Variants in GNG2 observed in about 807,000 individuals in gnomAD.
The protein encoded by GNG2 is guanine nucleotide-binding protein G(I)/G(S)/G(O) subunit gamma-2.
In GNG2, 5 loss-of-function variants were observed where a neutral mutation model predicts 5.5. The observed-to-expected ratio is 0.91, with a 90% CI of 0.48 to 1.92. The LOEUF (loss-of-function observed/expected upper bound fraction) is 1.92. GNG2 is among the 30% of genes most tolerant of loss of function. The probability of loss-of-function intolerance (pLI) is 0.01; values close to 1 mark genes in which losing one functional copy is unlikely to be tolerated. For missense variants in GNG2, 55 were observed against 88.4 expected (o/e 0.62, Z 1.52); for synonymous variants, 28 against 32.0 (o/e 0.88, Z 0.42).
rs544049334 is a variant in GNG2, at chr14:51,832,010, C to T, written c.64+4203C>T. 1.4e-4 allele frequency among the ~76,000 whole-genome samples: 21 copies of T among 152,198 alleles called. No individual in the cohort carries two copies. In the East Asian group the frequency reaches 4.1e-3, roughly 29 times the overall value. On this transcript the variant is annotated intron_variant, in intron 2 of 3. Transcript: ENST00000553432. ...TAAAATGATGGGGAGGCTGGGCTGG[C>T]AGCTTATACCTGTAATCCAAGCACT... is the stretch of plus-strand genomic sequence containing the variant.
intron 2 of GNG2, among the ~76,000 whole-genome samples, chr14:51,854,752 A>C (rs1205274557): frequency 6.6e-6 from 1 of 152,018 alleles, no homozygotes; most frequent in Non-Finnish European, 1.5e-5. Context: ...ACCTCAAGTG[A>C]TCCTCCTACC....
At chr14:51,961,402 G>T (rs1191269749) in intron 3 of GNG2, among the ~76,000 whole-genome samples, 1 of 152,164 alleles carries the variant, frequency 6.6e-6, no homozygotes, top group Non-Finnish European at 1.5e-5. Context: ...TTATGTTTGA[G>T]AACTCCTTCA....
chr14:51,921,744 G>A (rs1166610798), intron 2 of GNG2, among the ~76,000 whole-genome samples: 1 of 152,178 alleles, frequency 6.6e-6, no homozygotes, highest in Non-Finnish European at 1.5e-5. Context: ...ATGCTCTTAT[G>A]CCAATGGGTT....
At chr14:51,828,299 G>A (rs1158298223) in intron 2 of GNG2, among the ~76,000 whole-genome samples, 1 of 152,212 alleles carries the variant, frequency 6.6e-6, no homozygotes, top group Non-Finnish European at 1.5e-5. Flanking sequence ...CAGTAGGGAA[G>A]TTTTCCTACT....
intron 1 of GNG2, among the ~76,000 whole-genome samples, chr14:51,866,651 G>C (rs1882912498): frequency 6.6e-6 from 1 of 152,124 alleles, no homozygotes; most frequent in Non-Finnish European, 1.5e-5. Context: ...AAAGGCCGTG[G>C]ACAGCACTTT....
At chr14:51,958,842 G>C (rs1378708148) in intron 3 of GNG2, among the ~76,000 whole-genome samples, 1 of 152,108 alleles carries the variant, frequency 6.6e-6, no homozygotes, top group Non-Finnish European at 1.5e-5. Flanking sequence ...GAATTGTCCA[G>C]GAAGAAGAAG....
intron 2 of GNG2, among the ~76,000 whole-genome samples, chr14:51,935,000 G>A (rs976910930): frequency 6.6e-6 from 1 of 151,422 alleles, no homozygotes; most frequent in Non-Finnish European, 1.5e-5. Flanking sequence ...AAAATAATAG[G>A]TGGAAATTCC....
At chr14:51,842,111 C>G (rs1197408566) in intron 2 of GNG2, among the ~76,000 whole-genome samples, 1 of 152,078 alleles carries the variant, frequency 6.6e-6, no homozygotes, top group African/African-American at 2.4e-5. Context: ...TGACCTAAAT[C>G]ATAATAAAAT....
intron 2 of GNG2, among the ~76,000 whole-genome samples, chr14:51,842,392 A>T (rs1025724255): frequency 3.3e-5 from 5 of 152,192 alleles, no homozygotes; most frequent in Non-Finnish European, 7.3e-5. Flanking sequence ...CAGCCTGTAG[A>T]GCTGTCCAAG....
At chr14:51,880,548 T>G (rs1243460531) in intron 2 of GNG2, among the ~76,000 whole-genome samples, 1 of 152,160 alleles carries the variant, frequency 6.6e-6, no homozygotes, top group African/African-American at 2.4e-5. Context: ...GGCTGGAAAT[T>G]TATGGTGAAG....
intron 2 of GNG2, among the ~76,000 whole-genome samples, chr14:51,935,257 C>T (rs1333391833): frequency 6.6e-6 from 1 of 151,892 alleles, no homozygotes; most frequent in Non-Finnish European, 1.5e-5. Context: ...GATCTCCTGA[C>T]CTCCTGATCC....
intron 2 of GNG2, among the ~76,000 whole-genome samples, chr14:51,928,222 G>A (rs1170351531): frequency 1.3e-5 from 2 of 151,810 alleles, no homozygotes; most frequent in Non-Finnish European, 2.9e-5. Context: ...AGTAGAGACG[G>A]GGTTTCACCA....
At chr14:51,962,131 T>C (rs1448223457) in intron 3 of GNG2, among the ~76,000 whole-genome samples, 2 of 152,204 alleles carry the variant, frequency 1.3e-5, no homozygotes, top group Admixed American at 6.5e-5. Flanking sequence ...TAGAATCATG[T>C]TTTTAAATTA....
intron 2 of GNG2, among the ~76,000 whole-genome samples, chr14:51,893,013 A>G (rs1386269109): frequency 6.6e-6 from 1 of 152,202 alleles, no homozygotes; most frequent in African/African-American, 2.4e-5. Flanking sequence ...TAATGATTAT[A>G]TCATCTTCAC....
At chr14:51,890,354 C>T (rs1884769216) in intron 2 of GNG2, among the ~76,000 whole-genome samples, 1 of 152,206 alleles carries the variant, frequency 6.6e-6, no homozygotes, top group African/African-American at 2.4e-5. Flanking sequence ...CCTCAAAAAT[C>T]TTACTAGCCA....
chr14:51,931,476 G>A (rs1887654627), intron 2 of GNG2, among the ~76,000 whole-genome samples: 1 of 152,182 alleles, frequency 6.6e-6, no homozygotes, highest in Non-Finnish European at 1.5e-5. Context: ...GAGCCAGGAT[G>A]TGTAACTAAG....
Position 51,877,660 on chromosome 14 carries a change from A to G in GNG2, c.-30+3A>G, listed in dbSNP as rs1301243381. On this transcript the variant is annotated splice_donor_region_variant and intron_variant, in intron 2 of 3. Coordinates refer to ENST00000556766, the MANE Select transcript of GNG2 (RefSeq NM_053064.5). ...CTCAGGCTTTAGGAACTGAAGAGGTAAGAATTCCAAAATATTTTCTTCTAG... is the reference window on the plus strand; with the variant it reads ...CTCAGGCTTTAGGAACTGAAGAGGTGAGAATTCCAAAATATTTTCTTCTAG... 1 of 454,850 alleles carries G rather than the reference A, an allele frequency of 2.2e-6. No homozygotes were observed. Among genetic ancestry groups the G allele is most frequent in the Non-Finnish European group, 4.4e-6 (1 of 226,196 alleles). The allele number at this position is 454,850 out of a possible 1,614,324, so 28.2% of individuals were successfully genotyped here. A position where few individuals can be genotyped will look rare whatever the true frequency, so the allele number is the denominator to read the frequency against.
At chr14:51,883,048 A>T (rs1263369810) in intron 2 of GNG2, among the ~76,000 whole-genome samples, 4 of 151,802 alleles carry the variant, frequency 2.6e-5, no homozygotes, top group Non-Finnish European at 5.9e-5. Context: ...AAAAAAGAAC[A>T]GTCCAGAAGT....
In GNG2 at chr14:51,950,585, T is replaced by C. The variant is rs1029597156; in HGVS notation, c.-29-65T>C. The C allele has an allele frequency of 2.7e-5, 27 of 998,178 alleles. No individual in the cohort carries two copies. The South Asian group carries it at 3.8e-4, about 14-fold the overall frequency. The allele number at this position is 998,178 out of a possible 1,614,324, so 61.8% of individuals were successfully genotyped here. ...CTGCTTTGAGATCCCCTAGTTACGA[T>C]GAACTTGCACATTTGCTGGCTCATG... On this transcript the variant is annotated intron_variant, in intron 2 of 3. Coordinates refer to ENST00000556766, the MANE Select transcript of GNG2 (RefSeq NM_053064.5).
Sources: allele counts gnomAD v4.1 joint callset (sites outside exome capture counted in the v4.1 genomes callset), GRCh38; gene constraint gnomAD v4.1.1; transcripts MANE v1.5; gene names NCBI Gene and HGNC (gene_info 2026-07-23, HGNC 2026-07-21).